CBLN2: variants seen among roughly 807,000 people sequenced by gnomAD.
The protein encoded by CBLN2 is cerebellin-2.
CBLN2 carries 7 observed loss-of-function variants against 15.0 expected under a neutral mutation model. The observed-to-expected ratio is 0.47, with a 90% CI of 0.27 to 0.88. The LOEUF is 0.88. Ranked by LOEUF, CBLN2 falls within the 40% of genes least tolerant of loss-of-function variation. The pLI is 0.14. For missense variants in CBLN2, 242 were observed against 304.5 expected (o/e 0.79, Z 1.53); for synonymous variants, 149 against 135.2 (o/e 1.10, Z -0.71).
chr18:72,619,320 G>A, intron 1 of CBLN2: 2 of 564,012 alleles, frequency 3.5e-6, no homozygotes, highest in East Asian at 8.9e-5. Context: ...GCCAAGCACA[G>A]TGGTGGCAGG....
At chr18:72,547,518 T>C (rs2069166227), upstream of CBLN2, among the ~76,000 whole-genome samples, 1 of 152,210 alleles carries the variant, frequency 6.6e-6, no homozygotes, top group Admixed American at 6.5e-5. Flanking sequence ...ATCAGTAATA[T>C]GTAGCTAAAG....
rs1169289666 is a variant in CBLN2, at chr18:72,625,812, CTCTCTCTATATA to C, written c.15+12501_15+12512del. Among the ~76,000 whole-genome samples the C allele has an allele frequency of 8.1e-4, 56 of 69,078 alleles. No homozygotes were observed. The East Asian group carries it at 8.2e-3, about 10-fold the overall frequency. The allele number at this position is 69,078 out of a possible 152,430, so 45.3% of individuals were successfully genotyped here. On this transcript the variant is annotated intron_variant, in intron 1 of 2. Coordinates refer to the CBLN2 transcript ENST00000581073. ...ACTCTCTCTCTCTCTCTCTCTCTCTCTCTCTCTATATATATATATATATATATATATAGTACA... is the reference window on the plus strand; with the variant it reads ...ACTCTCTCTCTCTCTCTCTCTCTCTCTATATATATATATATATATAGTACA...
Position 72,615,679 on chromosome 18 carries a change from A to G in CBLN2, c.15+22646T>C, listed in dbSNP as rs368839946. On this transcript the variant is annotated intron_variant, in intron 1 of 2. Coordinates refer to the CBLN2 transcript ENST00000581073. ...TACAAGTTTCTCTTGCACAATATAT[A>G]TATTAAGCATTTGTTTTGTTTTTTA... Among the ~76,000 whole-genome samples, 37 of 152,262 alleles carry G rather than the reference A, an allele frequency of 2.4e-4. No homozygotes were observed. The East Asian group carries it at 6.0e-3, about 25-fold the overall frequency.
chr18:72,571,544 G>C (rs2069332170), intron 1 of CBLN2, among the ~76,000 whole-genome samples: 1 of 152,218 alleles, frequency 6.6e-6, no homozygotes, highest in Admixed American at 6.5e-5. Flanking sequence ...GAAAGAAAAT[G>C]AGTGGAATCA....
intron 1 of CBLN2, among the ~76,000 whole-genome samples, chr18:72,573,995 G>A (rs1349363905): frequency 1.3e-5 from 2 of 152,138 alleles, no homozygotes; most frequent in South Asian, 2.1e-4. Context: ...GTGTGTAGTA[G>A]CATCTCAAGC....
chr18:72,609,848 C>T (rs1388839122), intron 1 of CBLN2, among the ~76,000 whole-genome samples: 1 of 152,188 alleles, frequency 6.6e-6, no homozygotes. Context: ...TACAAAGCTT[C>T]TACTTCCTAC....
At chr18:72,630,634 TG>T (rs1466277923) in intron 1 of CBLN2, among the ~76,000 whole-genome samples, 3 of 148,764 alleles carry the variant, frequency 2.0e-5, no homozygotes, top group Non-Finnish European at 4.4e-5. Context: ...GCTGTTTAAC[TG>T]ACTTATACAA....
chr18:72,568,338 G>A (rs1048158605), intron 1 of CBLN2, among the ~76,000 whole-genome samples: 1 of 152,076 alleles, frequency 6.6e-6, no homozygotes, highest in Non-Finnish European at 1.5e-5. Context: ...TACATCCATC[G>A]ATGTGCTGGA....
In CBLN2 at chr18:72,543,595, C is replaced by T; in HGVS notation, c.-211-65G>A. On this transcript the variant is annotated intron_variant, in intron 1 of 4. Transcript: ENST00000269503. This position sits in a 1 kb window ranked among gnomAD's most constrained non-coding sequence, Gnocchi z 6.8. ...GAGGACACGGAGCGCGACCCTGCTC[C>T]CAGCGCGTGGCCAATAACCGCGCCG... The T allele has an allele frequency of 2.5e-6, 1 of 395,758 alleles. No homozygotes were observed. Among genetic ancestry groups the T allele is most frequent in the Non-Finnish European group, 4.5e-6 (1 of 224,448 alleles). The allele number at this position is 395,758 out of a possible 1,614,324, so 24.5% of individuals were successfully genotyped here. A position where few individuals can be genotyped will look rare whatever the true frequency, so the allele number is the denominator to read the frequency against.
In CBLN2 at chr18:72,561,244, A is replaced by C. The variant is rs1369922873; in HGVS notation, c.16-22472T>G. 4.0e-3 allele frequency among the ~76,000 whole-genome samples: 46 copies of C among 11,494 alleles called. No homozygotes were observed. In the Admixed American group the frequency reaches 0.041, roughly 10 times the overall value. The allele number at this position is 11,494 out of a possible 152,430, so 7.5% of individuals were successfully genotyped here. On this transcript the variant is annotated intron_variant, in intron 1 of 2. Coordinates refer to the CBLN2 transcript ENST00000581073. ...GAAACCAAAATAAAAACAACAACCC[A>C]AAAAAAAAAAAAAAAGATGCTTGAC...
At chr18:72,570,377 A>T (rs2069323788) in intron 1 of CBLN2, among the ~76,000 whole-genome samples, 1 of 145,902 alleles carries the variant, frequency 6.9e-6, no homozygotes, top group Non-Finnish European at 1.5e-5. Context: ...AGCTGGAACT[A>T]CAGGCGTATG....
At chr18:72,613,187 T>C (rs1236120981) in intron 1 of CBLN2, among the ~76,000 whole-genome samples, 1 of 152,218 alleles carries the variant, frequency 6.6e-6, no homozygotes, top group African/African-American at 2.4e-5. Flanking sequence ...TGTAAAACAA[T>C]CTATTTCCAT....
chr18:72,635,223 ACT>A lies in CBLN2; in HGVS notation c.15+3100_15+3101del, dbSNP rs146412349. 5.9e-5 allele frequency among the ~76,000 whole-genome samples: 9 copies of A among 152,314 alleles called. No individual in the cohort carries two copies. The East Asian group carries it at 1.7e-3, about 29-fold the overall frequency. ...TCAACCTCCCTAATGCAGTTTATTC[ACT>A]GTTAGTATTTGAAAAGCAAGGTCTC... On this transcript the variant is annotated intron_variant, in intron 1 of 2. Transcript: ENST00000581073.
chr18:72,629,598 GAAT>G (rs1203922883), intron 1 of CBLN2, among the ~76,000 whole-genome samples: 1 of 152,100 alleles, frequency 6.6e-6, no homozygotes, highest in African/African-American at 2.4e-5. Flanking sequence ...CTTTAATTTT[GAAT>G]TCATGATTTA....
chr18:72,585,799 T>G (rs1410449850), intron 1 of CBLN2, among the ~76,000 whole-genome samples: 1 of 152,208 alleles, frequency 6.6e-6, no homozygotes, highest in Non-Finnish European at 1.5e-5. Flanking sequence ...AGTACCCCCT[T>G]GGCCTCCCTC....
intron 1 of CBLN2, among the ~76,000 whole-genome samples, chr18:72,602,814 T>C (rs1048936368): frequency 6.6e-6 from 1 of 152,184 alleles, no homozygotes. Context: ...GACAGCCTGC[T>C]CTAGGGATTT....
intron 1 of CBLN2, among the ~76,000 whole-genome samples, chr18:72,610,537 A>C (rs527541119): frequency 7.9e-5 from 12 of 152,248 alleles, no homozygotes; most frequent in African/African-American, 2.6e-4. Context: ...TGTACACTAC[A>C]TGAGGGAAGG....
intron 1 of CBLN2, among the ~76,000 whole-genome samples, chr18:72,589,160 G>T (rs1328123014): frequency 6.6e-6 from 1 of 152,094 alleles, no homozygotes; most frequent in East Asian, 1.9e-4. Flanking sequence ...ATCCTGGATG[G>T]CCAACGGCAG....
intron 1 of CBLN2, among the ~76,000 whole-genome samples, chr18:72,611,473 T>A (rs1410792905): frequency 6.6e-6 from 1 of 152,184 alleles, no homozygotes; most frequent in East Asian, 1.9e-4. Context: ...CCGTGGTTTT[T>A]ATTTACATTT....
Sources: gnomAD v4.1 joint callset for allele counts (sites outside exome capture counted in the v4.1 genomes callset) on GRCh38, gnomAD v4.1.1 for gene constraint, Gnocchi (gnomAD v3.1) non-coding constraint, MANE v1.5 for transcripts, NCBI Gene and HGNC (gene_info 2026-07-23, HGNC 2026-07-21) for gene names.